Variants in GRM7 observed in about 807,000 individuals in gnomAD.
The protein encoded by GRM7 is metabotropic glutamate receptor 7.
GRM7 carries 35 observed loss-of-function variants against 84.5 expected under a neutral mutation model. The ratio of observed to expected loss-of-function variants is 0.41; its 90% CI spans 0.32 to 0.55. The LOEUF (loss-of-function observed/expected upper bound fraction) is 0.55. GRM7 is among the 20% of genes least tolerant of loss of function. The probability of loss-of-function intolerance (pLI) is 0.19; values close to 1 mark genes in which losing one functional copy is unlikely to be tolerated. For missense variants in GRM7, 1,003 were observed against 1,194.6 expected (o/e 0.84, Z 2.36); for synonymous variants, 487 against 455.1 (o/e 1.07, Z -0.89).
At chr3:7,511,095 T>G (rs1356068400) in intron 7 of GRM7, among the ~76,000 whole-genome samples, 2 of 152,114 alleles carry the variant, frequency 1.3e-5, no homozygotes, top group African/African-American at 4.8e-5. Context: ...ATTAATTACT[T>G]GGGGTGTCAC....
At chr3:7,700,089 T>C (rs1375378099) in intron 9 of GRM7, among the ~76,000 whole-genome samples, 2 of 152,224 alleles carry the variant, frequency 1.3e-5, no homozygotes, top group Non-Finnish European at 2.9e-5. Flanking sequence ...AACTAGCATT[T>C]AGCAGAATCA....
chr3:7,443,726 G>A (rs528381702), intron 5 of GRM7, among the ~76,000 whole-genome samples: 1 of 152,146 alleles, frequency 6.6e-6, no homozygotes, highest in East Asian at 1.9e-4. Flanking sequence ...TATACATTTA[G>A]TATTGCAACA....
intron 1 of GRM7, among the ~76,000 whole-genome samples, chr3:7,066,458 TC>T (rs1254696945): frequency 6.6e-6 from 1 of 151,636 alleles, no homozygotes; most frequent in East Asian, 1.9e-4. Context: ...AATACAACAC[TC>T]TTAGCTTAAA....
chr3:6,870,960 A>C (rs1695101656), intron 1 of GRM7, among the ~76,000 whole-genome samples: 1 of 152,202 alleles, frequency 6.6e-6, no homozygotes, highest in Non-Finnish European at 1.5e-5. Flanking sequence ...ACATTGTGTA[A>C]AATGGAGACA....
At chr3:7,223,565 C>CTTTTTTAT (rs1696881127) in intron 2 of GRM7, among the ~76,000 whole-genome samples, 1 of 151,952 alleles carries the variant, frequency 6.6e-6, no homozygotes, top group Non-Finnish European at 1.5e-5. Flanking sequence ...TATATGTTCT[C>CTTTTTTAT]ATCTTTCCTT....
At chr3:7,516,079 A>C (rs1429234849) in intron 7 of GRM7, among the ~76,000 whole-genome samples, 2 of 146,302 alleles carry the variant, frequency 1.4e-5, no homozygotes, top group African/African-American at 5.0e-5. Flanking sequence ...AGGTGGGAGG[A>C]TCTTGAGGCT....
chr3:7,575,468 A>G (rs1271536026), intron 7 of GRM7, among the ~76,000 whole-genome samples: 1 of 152,192 alleles, frequency 6.6e-6, no homozygotes, highest in African/African-American at 2.4e-5. Context: ...GATTTTTCAT[A>G]GCGTTAAATA....
At chr3:7,725,706 G>A (rs952166090) in intron 9 of GRM7, among the ~76,000 whole-genome samples, 1 of 152,230 alleles carries the variant, frequency 6.6e-6, no homozygotes, top group African/African-American at 2.4e-5. Flanking sequence ...AAGCTGACAA[G>A]TTCCAGTGCA....
chr3:7,651,860 G>A (rs941159498), intron 8 of GRM7, among the ~76,000 whole-genome samples: 4 of 152,298 alleles, frequency 2.6e-5, no homozygotes, highest in Admixed American at 6.5e-5. Flanking sequence ...GAGGTGGGGA[G>A]TGGAATTTCT....
chr3:7,480,819 C>G (rs1223648675), intron 7 of GRM7, among the ~76,000 whole-genome samples: 1 of 152,164 alleles, frequency 6.6e-6, no homozygotes, highest in Admixed American at 6.5e-5. Context: ...CATTCTGATT[C>G]TATTGAAGCA....
chr3:7,369,144 T>A (rs185510885), intron 4 of GRM7, among the ~76,000 whole-genome samples: 38 of 152,230 alleles, frequency 2.5e-4, no homozygotes, highest in African/African-American at 7.9e-4. Flanking sequence ...AGCTTTGAAC[T>A]CCTGGGCTCA....
intron 1 of GRM7, among the ~76,000 whole-genome samples, chr3:7,134,595 T>C (rs193296652): frequency 1.3e-5 from 2 of 152,296 alleles, no homozygotes; most frequent in South Asian, 2.1e-4. Flanking sequence ...ATTACTTCTC[T>C]TGAAGCTAAA....
chr3:7,200,182 G>A (rs1341133026), intron 2 of GRM7, among the ~76,000 whole-genome samples: 1 of 152,132 alleles, frequency 6.6e-6, no homozygotes, highest in Non-Finnish European at 1.5e-5. Flanking sequence ...TGGCAGGAGG[G>A]CATTAATATA....
intron 5 of GRM7, among the ~76,000 whole-genome samples, chr3:7,416,408 A>T (rs1696160776): frequency 6.6e-6 from 1 of 152,164 alleles, no homozygotes; most frequent in South Asian, 2.1e-4. Context: ...AGACACATTC[A>T]TGTGGGACAC....
intron 9 of GRM7, among the ~76,000 whole-genome samples, chr3:7,731,029 C>G (rs1046422655): frequency 1.3e-5 from 2 of 151,548 alleles, no homozygotes; most frequent in Admixed American, 6.6e-5. Flanking sequence ...TTAAGAACGA[C>G]GTAAACCTCT....
At chr3:7,174,367 T>C (rs552882285) in intron 2 of GRM7, among the ~76,000 whole-genome samples, 3 of 152,330 alleles carry the variant, frequency 2.0e-5, no homozygotes, top group African/African-American at 7.2e-5. Context: ...AGTGACATCA[T>C]AGTGATTTAG....
At chr3:7,554,771 T>G (rs1559399593) in intron 7 of GRM7, among the ~76,000 whole-genome samples, 1 of 152,208 alleles carries the variant, frequency 6.6e-6, no homozygotes, top group Admixed American at 6.5e-5. Context: ...AATCAGCAGG[T>G]TGATAGCCAT....
intron 8 of GRM7, among the ~76,000 whole-genome samples, chr3:7,642,045 C>T (rs1698386475): frequency 6.6e-6 from 1 of 152,054 alleles, no homozygotes; most frequent in Non-Finnish European, 1.5e-5. Context: ...ATCTAATAGT[C>T]CTTCTAAAAT....
chr3:7,460,087 T>C (rs1698178832), intron 6 of GRM7, among the ~76,000 whole-genome samples: 1 of 95,622 alleles, frequency 1.0e-5, no homozygotes, highest in Non-Finnish European at 1.9e-5. Flanking sequence ...GGGAAAAGTA[T>C]GCTTAAAATA....
Sources: allele counts gnomAD v4.1 joint callset (sites outside exome capture counted in the v4.1 genomes callset), GRCh38; gene constraint gnomAD v4.1.1; transcripts MANE v1.5; gene names NCBI Gene and HGNC (gene_info 2026-07-23, HGNC 2026-07-21).